The following KLF12 variants were observed in gnomAD, a reference collection of about 807,000 sequenced individuals.
The protein encoded by KLF12 is KLF transcription factor 12, also known as Krueppel-like factor 12.
In KLF12, 9 loss-of-function variants were observed where a neutral mutation model predicts 37.8. The ratio of observed to expected loss-of-function variants is 0.24; its 90% CI spans 0.14 to 0.42. The LOEUF (loss-of-function observed/expected upper bound fraction) is 0.42. KLF12 is among the 10% of genes least tolerant of loss of function. The probability of loss-of-function intolerance (pLI) is 1.00; values close to 1 mark genes in which losing one functional copy is unlikely to be tolerated. For synonymous variants in KLF12, 208 were observed against 202.1 expected (o/e 1.03, Z -0.25); for missense variants, 411 against 516.0 (o/e 0.80, Z 1.97).
chr13:74,092,529 C>T (rs1434397409), intron 1 of KLF12, among the ~76,000 whole-genome samples: 1 of 151,556 alleles, frequency 6.6e-6, no homozygotes, highest in Non-Finnish European at 1.5e-5. Flanking sequence ...GAGGCTGAGG[C>T]AGGAGAAATG....
At chr13:74,278,787 A>G in the KLF12 span, among the ~76,000 whole-genome samples, 6 of 152,240 alleles carry the variant, frequency 3.9e-5, no homozygotes, top group Non-Finnish European at 8.8e-5. Context: ...TCATTTTGAA[A>G]TGTAGCATCT....
the KLF12 span, chr13:74,289,329 A>C: frequency 6.6e-6 from 1 of 152,216 alleles, no homozygotes. Context: ...GTGTGGTGAC[A>C]CGGTTATTAA....
the KLF12 span, among the ~76,000 whole-genome samples, chr13:74,143,125 C>T: frequency 6.6e-6 from 1 of 150,974 alleles, no homozygotes; most frequent in African/African-American, 2.4e-5. Flanking sequence ...TCTTGCTCCT[C>T]CTCCTCGTCC....
chr13:73,706,832 A>T (rs1874988484), intron 7 of KLF12, among the ~76,000 whole-genome samples: 1 of 152,222 alleles, frequency 6.6e-6, no homozygotes, highest in East Asian at 1.9e-4. Context: ...CACAGCACCC[A>T]TTACATTCAA....
intron 1 of KLF12, among the ~76,000 whole-genome samples, chr13:74,033,042 T>C (rs1893153697): frequency 6.6e-6 from 1 of 152,204 alleles, no homozygotes; most frequent in African/African-American, 2.4e-5. Context: ...CAATTAAATA[T>C]GCTATTTCTT....
intron 4 of KLF12, among the ~76,000 whole-genome samples, chr13:73,835,142 A>G (rs368006548): frequency 6.6e-6 from 1 of 151,900 alleles, no homozygotes; most frequent in South Asian, 2.1e-4. Flanking sequence ...AACAAAGTAG[A>G]TAACTTAGGT....
the KLF12 span, among the ~76,000 whole-genome samples, chr13:74,181,093 G>A: frequency 1.3e-5 from 2 of 151,952 alleles, no homozygotes; most frequent in East Asian, 2.0e-4. Flanking sequence ...CCCTCTCCCA[G>A]GTTCAAGCAA....
chr13:73,773,029 C>T (rs906032423), intron 5 of KLF12, among the ~76,000 whole-genome samples: 18 of 151,896 alleles, frequency 1.2e-4, no homozygotes, highest in African/African-American at 4.4e-4. Flanking sequence ...ATCAAAGAAG[C>T]CAGTATAGGG....
chr13:74,079,939 T>C (rs1033062085), intron 1 of KLF12, among the ~76,000 whole-genome samples: 5 of 152,210 alleles, frequency 3.3e-5, no homozygotes, highest in African/African-American at 1.2e-4. Context: ...ATCAGCATTA[T>C]TCCCATTAGC....
the KLF12 span, among the ~76,000 whole-genome samples, chr13:74,305,041 A>G: frequency 6.6e-6 from 1 of 151,914 alleles, no homozygotes; most frequent in Non-Finnish European, 1.5e-5. Flanking sequence ...TGTAGCTGGT[A>G]ATGCATAATT....
In KLF12 at chr13:73,904,469, C is replaced by CTTTTTTTTTTTTTTTTTTTT. The variant is rs11342071; in HGVS notation, c.123+39492_123+39511dup. Among the ~76,000 whole-genome samples the CTTTTTTTTTTTTTTTTTTTT allele has an allele frequency of 9.8e-5, 9 of 92,026 alleles. 1 individual carries two copies. Among genetic ancestry groups the CTTTTTTTTTTTTTTTTTTTT allele is most frequent in the Admixed American group, 1.2e-4 (1 of 8,342 alleles). 60.4% of individuals were successfully genotyped at this position (92,026 alleles called of 152,430 possible). A position where few individuals can be genotyped will look rare whatever the true frequency, so the allele number is the denominator to read the frequency against. ...CAGTTTCTCATGTTTTCTTTCTTTCCTTTTTTTTTTTTTTTTTTTTTTTAC... is the reference window on the plus strand; with the variant it reads ...CAGTTTCTCATGTTTTCTTTCTTTCCTTTTTTTTTTTTTTTTTTTTTTTTTTTTTTTTTTTTTTTTTTTAC... On this transcript the variant is annotated intron_variant, in intron 3 of 7. Coordinates refer to ENST00000377669, the MANE Select transcript of KLF12 (RefSeq NM_007249.5).
the KLF12 span, among the ~76,000 whole-genome samples, chr13:74,182,625 T>C: frequency 2.0e-5 from 3 of 152,190 alleles, no homozygotes; most frequent in East Asian, 5.8e-4. Context: ...CTGCACACAG[T>C]GTGCAGAAGA....
chr13:73,786,669 G>A (rs988568535), intron 5 of KLF12, among the ~76,000 whole-genome samples: 1 of 150,392 alleles, frequency 6.6e-6, no homozygotes, highest in African/African-American at 2.5e-5. Context: ...GATTGCTTGA[G>A]CCCAGGAGTT....
At chr13:73,897,136 A>C (rs1458086779) in intron 3 of KLF12, among the ~76,000 whole-genome samples, 1 of 152,118 alleles carries the variant, frequency 6.6e-6, no homozygotes, top group Non-Finnish European at 1.5e-5. Flanking sequence ...GTTATAGTGG[A>C]AGGAGGGAAT....
chr13:73,967,383 A>C (rs9592957), intron 2 of KLF12, among the ~76,000 whole-genome samples: 7,431 of 152,276 alleles, frequency 0.049, 392 homozygotes, highest in African/African-American at 0.13. Context: ...CAACGCCAGA[A>C]GAATACAGTG....
At chr13:74,241,790 G>A in the KLF12 span, among the ~76,000 whole-genome samples, 4,946 of 152,240 alleles carry the variant, frequency 0.032, 119 homozygotes, top group Middle Eastern at 0.071. Context: ...GCAATGCCTC[G>A]CCCTGCTTCG....
the KLF12 span, among the ~76,000 whole-genome samples, chr13:74,283,698 T>C: frequency 6.6e-6 from 1 of 152,144 alleles, no homozygotes; most frequent in Non-Finnish European, 1.5e-5. Context: ...TCTACTTCTG[T>C]TAAAATGAGG....
intron 3 of KLF12, among the ~76,000 whole-genome samples, chr13:73,868,333 G>T (rs1021295324): frequency 5.3e-5 from 7 of 133,292 alleles, no homozygotes; most frequent in African/African-American, 1.6e-4. Context: ...GCGGTGGGGG[G>T]GGGGGGTGAT....
At chr13:73,990,325 A>T (rs2138239457) in intron 2 of KLF12, among the ~76,000 whole-genome samples, 1 of 152,312 alleles carries the variant, frequency 6.6e-6, no homozygotes, top group Non-Finnish European at 1.5e-5. Flanking sequence ...AAAAAGTAAA[A>T]CAATTGATGA....
Sources: gnomAD v4.1 joint callset for allele counts (sites outside exome capture counted in the v4.1 genomes callset) on GRCh38, gnomAD v4.1.1 for gene constraint, MANE v1.5 for transcripts, NCBI Gene and HGNC (gene_info 2026-07-23, HGNC 2026-07-21) for gene names.